The following GLI4 variants were observed in gnomAD, a reference collection of about 807,000 sequenced individuals.
GLI4 encodes the protein zinc finger protein GLI4.
A neutral mutation model predicts 30.9 loss-of-function variants in GLI4; 34 were observed. That is an observed-to-expected ratio of 1.10 (90% CI 0.84 to 1.47). The LOEUF (loss-of-function observed/expected upper bound fraction) is 1.47. GLI4 is among the 40% of genes most tolerant of loss of function. The pLI is 0.00. For missense variants in GLI4, 696 were observed against 538.9 expected, an observed-to-expected ratio of 1.29 and a Z score of -2.89; for synonymous variants, 277 against 236.7, an observed-to-expected ratio of 1.17 and a Z score of -1.56.
intron 1 of GLI4, chr8:143,267,757 C>T: frequency 2.0e-6 from 2 of 985,288 alleles, no homozygotes; most frequent in Non-Finnish European, 2.4e-6. Context: ...GTGACGGCAG[C>T]TGTCGTCATC....
At chr8:143,273,763 G>C (rs776838420) in intron 2 of GLI4, among the ~76,000 whole-genome samples, 1 of 152,196 alleles carries the variant, frequency 6.6e-6, no homozygotes, top group Non-Finnish European at 1.5e-5. Context: ...ACCCAGATTC[G>C]GCCTCACGGG....
intron 3 of GLI4, chr8:143,275,114 T>G (rs906156303): frequency 6.5e-7 from 1 of 1,535,550 alleles, no homozygotes; most frequent in African/African-American, 1.4e-5. Flanking sequence ...TGCCTTGGGC[T>G]GGGGCTTCTG....
intron 2 of GLI4, among the ~76,000 whole-genome samples, chr8:143,270,819 A>T (rs888757832): frequency 6.6e-6 from 1 of 152,156 alleles, no homozygotes; most frequent in African/African-American, 2.4e-5. Flanking sequence ...ACAGTTTCTG[A>T]GGGAGGGCAC....
At chr8:143,272,621 T>G (rs1003831136) in intron 2 of GLI4, 14 of 152,218 alleles carry the variant, frequency 9.2e-5, no homozygotes, top group Admixed American at 6.5e-4. Context: ...AGGGTCTGGG[T>G]GTGCACCCTG....
In GLI4 at chr8:143,274,066, AG is replaced by A. The variant is rs560887191; in HGVS notation, c.125-632del. ...CTGCCCCCACCAAGTCTTGGGTGGGAGGGGGGTCTTGGTCCTGGGTGCCCAA... is the reference window on the plus strand; with the variant it reads ...CTGCCCCCACCAAGTCTTGGGTGGGAGGGGGTCTTGGTCCTGGGTGCCCAA... On this transcript the variant is annotated intron_variant, in intron 2 of 3. Coordinates refer to ENST00000340042, the MANE Select transcript of GLI4 (RefSeq NM_138465.4). Among the ~76,000 whole-genome samples the A allele has an allele frequency of 9.9e-5, 15 of 152,086 alleles. 2 individuals carry two copies. In the South Asian group the frequency reaches 3.1e-3, roughly 32 times the overall value.
intron 3 of GLI4, 90 bp from the exon 4 acceptor site, chr8:143,275,807 T>A: frequency 8.0e-7 from 1 of 1,248,916 alleles, no homozygotes; most frequent in Non-Finnish European, 1.0e-6. Context: ...AGCCCCCCCG[T>A]CCAGCTCTGC....
chr8:143,276,446 T>C lies in GLI4; in HGVS notation c.773T>C (p.Leu258Pro). The C allele has an allele frequency of 6.2e-7, 1 of 1,609,312 alleles. No individual in the cohort carries two copies. The highest frequency in any genetic ancestry group is 8.5e-7 in the Non-Finnish European group (1 of 1,178,932). ...CACAGCTCGCACTTCACGCAGCACC[T>C]GCGCATCCACAACGGCGAGAAGCCC... ...FSHSSHFTQHLRIHNGEKPYK... is the reference protein window; with the variant it reads ...FSHSSHFTQHPRIHNGEKPYK... The change falls in exon 4 of 4, where the codon CTG (leucine) becomes CCG (proline). Residue 258 changes from leucine (L) to proline (P), a missense_variant. Coordinates refer to ENST00000340042, the MANE Select transcript of GLI4 (RefSeq NM_138465.4).
At position 143,269,541 on chromosome 8, in the gene GLI4, G is replaced by A. The variant is rs184754009; in HGVS notation, c.124+21G>A. 1.1e-3 allele frequency: 1,689 copies of A among 1,605,324 alleles called. 17 individuals carry two copies. Among genetic ancestry groups the A allele is most frequent in the Non-Finnish European group, 1.9e-4 (217 of 1,172,890 alleles). On this transcript the variant is annotated intron_variant, in intron 2 of 3. Coordinates refer to ENST00000340042, the MANE Select transcript of GLI4 (RefSeq NM_138465.4). Reference sequence around the variant, plus strand: ...ACATGGTACTCACCCAGCCCGCTGTGCGCCCTCCACCCTGCATCCCCTGCC... The same window carrying A: ...ACATGGTACTCACCCAGCCCGCTGTACGCCCTCCACCCTGCATCCCCTGCC...
At position 143,276,191 on chromosome 8, in the gene GLI4, G is replaced by C. The variant is rs762404452; in HGVS notation, c.518G>C (p.Arg173Pro). The change falls in exon 4 of 4, where the codon CGG becomes CCG. Residue 173 changes from arginine (R) to proline (P), a missense_variant. Physicochemically the swap from Arg to Pro is moderately radical, Grantham distance 103. Transcript: ENST00000340042. Reference sequence around the variant, plus strand: ...CTGGGAGTCAACTTCGGTCGGAGCCGGCAGGGCAGCGCGCGGGGGGCCAAG... The same window carrying C: ...CTGGGAGTCAACTTCGGTCGGAGCCCGCAGGGCAGCGCGCGGGGGGCCAAG... ...AELGVNFGRSRQGSARGAKPH... is the reference protein window; with the variant it reads ...AELGVNFGRSPQGSARGAKPH... The C allele has an allele frequency of 1.6e-5, 25 of 1,565,186 alleles. No homozygotes were observed. Among genetic ancestry groups the C allele is most frequent in the East Asian group, 1.2e-4 (5 of 41,676 alleles).
chr8:143,276,206 G>A lies in GLI4; in HGVS notation c.533G>A (p.Arg178Gln), dbSNP rs755034028. Residue 178 changes from arginine (R) to glutamine (Q), a missense_variant, in exon 4 of 4, where the codon CGG becomes CAG. By Grantham distance (43) the Arg-to-Gln change is conservative. Coordinates refer to ENST00000340042, the MANE Select transcript of GLI4 (RefSeq NM_138465.4). ...NFGRSRQGSA[R>Q]GAKPHRCEAC... Reference sequence around the variant, plus strand: ...GGTCGGAGCCGGCAGGGCAGCGCGCGGGGGGCCAAGCCGCACAGGTGCGAG... The same window carrying A: ...GGTCGGAGCCGGCAGGGCAGCGCGCAGGGGGCCAAGCCGCACAGGTGCGAG... 6.3e-7 allele frequency: 1 copy of A among 1,576,278 alleles called. No homozygotes were observed. Among genetic ancestry groups the A allele is most frequent in the South Asian group, 1.1e-5 (1 of 87,524 alleles).
At chr8:143,274,232 G>A (rs565631684) in intron 2 of GLI4, among the ~76,000 whole-genome samples, 1 of 152,336 alleles carries the variant, frequency 6.6e-6, no homozygotes, top group Non-Finnish European at 1.5e-5. Context: ...GTCAAGGACA[G>A]CAGAGAGCCC....
chr8:143,274,672 TGG>T, intron 2 of GLI4, 30 bp from the exon 3 acceptor site: 2 of 1,530,086 alleles, frequency 1.3e-6, no homozygotes, highest in Non-Finnish European at 1.8e-6. Flanking sequence ...GTCCAGAGGG[TGG>T]AGGTGAGCCC....
At chr8:143,275,804 C>G in intron 3 of GLI4, 93 bp from the exon 4 acceptor site, 3 of 1,247,278 alleles carry the variant, frequency 2.4e-6, no homozygotes, top group Non-Finnish European at 3.0e-6. Context: ...CTAAGCCCCC[C>G]CGTCCAGCTC....
chr8:143,273,384 C>A (rs189254493), intron 2 of GLI4: 2 of 152,418 alleles, frequency 1.3e-5, no homozygotes, highest in East Asian at 3.9e-4. Flanking sequence ...GAGGAAGGGA[C>A]GTCGCACAGC....
At chr8:143,268,391 CA>C (rs1224469019) in intron 1 of GLI4, among the ~76,000 whole-genome samples, 2 of 152,220 alleles carry the variant, frequency 1.3e-5, no homozygotes, top group Admixed American at 6.5e-5. Context: ...AAAGAAAAGT[CA>C]CTTTTCACAT....
chr8:143,275,682 C>A, intron 3 of GLI4: 2 of 1,240,990 alleles, frequency 1.6e-6, no homozygotes, highest in Non-Finnish European at 1.0e-6. Context: ...CTCTGGGTCA[C>A]CCTGCAACGC....
chr8:143,276,482 G>A lies in GLI4; in HGVS notation c.809G>A (p.Gly270Asp), dbSNP rs200522297. ...AACGGCGAGAAGCCCTACAAGTGCGGCGAGTGCGGCCAGGCCTTCAGCCAG... is the reference window on the plus strand; with the variant it reads ...AACGGCGAGAAGCCCTACAAGTGCGACGAGTGCGGCCAGGCCTTCAGCCAG... The part of the protein sequence containing the change: ...IHNGEKPYKC[G>D]ECGQAFSQSS... The change falls in exon 4 of 4, where the codon GGC becomes GAC. Residue 270 changes from glycine to aspartate, a missense_variant. By Grantham distance (94) the Gly-to-Asp change is moderately conservative. Transcript: ENST00000340042. 4.8e-5 allele frequency: 78 copies of A among 1,612,514 alleles called. No homozygotes were observed. The Middle Eastern group carries it at 9.9e-4, about 20-fold the overall frequency.
chr8:143,274,868 C>A, intron 3 of GLI4, 66 bp downstream of exon 3: 1 of 1,511,710 alleles, frequency 6.6e-7, no homozygotes, highest in South Asian at 1.2e-5. Context: ...CTCACAATGC[C>A]CACCTCTGTG....
Position 143,267,451 on chromosome 8 carries a change from G to C in GLI4, c.-71G>C, listed in dbSNP as rs1815157938. Reference sequence around the variant, plus strand: ...GAGTGGGGCGGGGCCGGACACTTCCGTCCGGCGCGCGGCGTCCTCCTCCCG... The same window carrying C: ...GAGTGGGGCGGGGCCGGACACTTCCCTCCGGCGCGCGGCGTCCTCCTCCCG... On this transcript the variant is annotated 5_prime_UTR_variant, in exon 1 of 4. Transcript: ENST00000340042. 2 of 984,860 alleles carry C rather than the reference G, an allele frequency of 2.0e-6. No individual in the cohort carries two copies. Among genetic ancestry groups the C allele is most frequent in the Admixed American group, 6.2e-5 (1 of 16,204 alleles). The allele number at this position is 984,860 out of a possible 1,614,324, so 61.0% of individuals were successfully genotyped here.
Sources: gnomAD v4.1 joint callset for allele counts (sites outside exome capture counted in the v4.1 genomes callset) on GRCh38, gnomAD v4.1.1 for gene constraint, MANE v1.5 for transcripts, NCBI Gene and HGNC (gene_info 2026-07-23, HGNC 2026-07-21) for gene names.